The following GUCY1A2 variants were observed in gnomAD, a reference collection of about 807,000 sequenced individuals.
GUCY1A2 encodes the protein guanylate cyclase 1 soluble subunit alpha 2, also known as guanylate cyclase soluble subunit alpha-2.
In GUCY1A2, 27 loss-of-function variants were observed where a neutral mutation model predicts 63.5. The ratio of observed to expected loss-of-function variants is 0.43; its 90% CI spans 0.31 to 0.59. GUCY1A2 has a LOEUF of 0.59. GUCY1A2 is among the 20% of genes least tolerant of loss of function. GUCY1A2 has a pLI of 0.11. For missense variants in GUCY1A2, 768 were observed against 913.3 expected, an observed-to-expected ratio of 0.84 and a Z score of 2.05; for synonymous variants, 364 against 343.5, an observed-to-expected ratio of 1.06 and a Z score of -0.66.
chr11:106,678,399 TTTTAA>T lies in GUCY1A2; in HGVS notation c.*9145_*9149del, dbSNP rs1023523144. On this transcript the variant is annotated 3_prime_UTR_variant, in exon 8 of 8. Transcript: ENST00000526355. The stretch of plus-strand genomic sequence containing the variant: ...CATATTTTGCTTCATTTTATGGAAG[TTTTAA>T]TTTAAAAGGCCAAAAAAGGAGACAG... 2 of 211,102 alleles carry T rather than the reference TTTTAA, an allele frequency of 9.5e-6. No homozygotes were observed. The highest frequency in any genetic ancestry group is 4.5e-5 in the African/African-American group (2 of 44,098). The allele number at this position is 211,102 out of a possible 1,614,324, so 13.1% of individuals were successfully genotyped here.
Position 106,699,829 on chromosome 11 carries a change from T to C in GUCY1A2, c.1991+8683A>G, listed in dbSNP as rs1862786730. 1.3e-5 allele frequency among the ~76,000 whole-genome samples: 2 copies of C among 152,118 alleles called. 1 individual carries two copies. Among genetic ancestry groups the C allele is most frequent in the South Asian group, 4.1e-4 (2 of 4,820 alleles). ...CGGAGTCTCGGTCTGTCGCCCAGGC[T>C]GGAGTGCAGTGGCGCCATCTCGGCT... is the stretch of plus-strand genomic sequence containing the variant. On this transcript the variant is annotated intron_variant, in intron 7 of 7. Transcript: ENST00000526355.
At chr11:106,890,330 G>T (rs1859956672) in intron 4 of GUCY1A2, among the ~76,000 whole-genome samples, 1 of 152,030 alleles carries the variant, frequency 6.6e-6, no homozygotes, top group African/African-American at 2.4e-5. Flanking sequence ...CCTTTCTTAT[G>T]CTTCACAATC....
At chr11:106,854,941 T>C (rs1379351285) in intron 4 of GUCY1A2, among the ~76,000 whole-genome samples, 1 of 152,110 alleles carries the variant, frequency 6.6e-6, no homozygotes, top group Non-Finnish European at 1.5e-5. Context: ...TAGGCCAGAA[T>C]CCTGGGGACC....
intron 6 of GUCY1A2, among the ~76,000 whole-genome samples, chr11:106,718,119 A>C (rs1863248888): frequency 6.6e-6 from 1 of 152,194 alleles, no homozygotes; most frequent in Non-Finnish European, 1.5e-5. Flanking sequence ...GACAAACAGC[A>C]CTTTGGGCAA....
intron 6 of GUCY1A2, among the ~76,000 whole-genome samples, chr11:106,765,375 G>C (rs1316187836): frequency 6.6e-6 from 1 of 152,088 alleles, no homozygotes; most frequent in African/African-American, 2.4e-5. Flanking sequence ...AGTATTGAGA[G>C]AAAACTGAGT....
rs1277229663 is a variant in GUCY1A2, at chr11:107,017,905, C to A, written c.151G>T (p.Ala51Ser). 26 of 1,256,914 alleles carry A rather than the reference C, an allele frequency of 2.1e-5. No individual in the cohort carries two copies. Among genetic ancestry groups the A allele is most frequent in the East Asian group, 3.2e-5 (1 of 30,852 alleles). 77.9% of individuals were successfully genotyped at this position (1,256,914 alleles called of 1,614,324 possible). Residue 51 changes from alanine (A) to serine (S), a missense_variant, in exon 1 of 8, where the codon GCC (alanine) becomes TCC (serine). By Grantham distance (99) the Ala-to-Ser change is moderately conservative. Transcript: ENST00000526355. Reference protein sequence around the residue: ...SPPGPLEPSPAAAAAAAAPAP... With the variant: ...SPPGPLEPSPSAAAAAAAPAP... ...GGGGCGGCGGCAGCGGCAGCTGCGGCCGGGCTGGGCTCCAGCGGCCCGGGC... is the reference window on the plus strand; with the variant it reads ...GGGGCGGCGGCAGCGGCAGCTGCGGACGGGCTGGGCTCCAGCGGCCCGGGC...
chr11:106,685,747 G>C lies in GUCY1A2; in HGVS notation c.*1802C>G. The C allele has an allele frequency of 4.4e-6, 1 of 227,120 alleles. No individual in the cohort carries two copies. 14.1% of individuals were successfully genotyped at this position (227,120 alleles called of 1,614,324 possible). ...CAGAAACACAGGCCCACAGAAGAGG[G>C]GGTCAGGCAAAGGTTTAGAGCTCAA... On this transcript the variant is annotated 3_prime_UTR_variant, in exon 8 of 8. Transcript: ENST00000526355.
chr11:106,829,558 G>T (rs1384384137), intron 4 of GUCY1A2, among the ~76,000 whole-genome samples: 1 of 152,098 alleles, frequency 6.6e-6, no homozygotes, highest in Non-Finnish European at 1.5e-5. Flanking sequence ...ATGTCAACTT[G>T]ATTAGATTGA....
intron 4 of GUCY1A2, among the ~76,000 whole-genome samples, chr11:106,847,586 AT>A (rs1255006277): frequency 1.3e-5 from 2 of 151,548 alleles, no homozygotes. Flanking sequence ...GCTGAGCCCC[AT>A]TAGTGGAAGC....
intron 4 of GUCY1A2, among the ~76,000 whole-genome samples, chr11:106,869,898 C>A (rs932084481): frequency 6.6e-6 from 1 of 152,192 alleles, no homozygotes; most frequent in South Asian, 2.1e-4. Context: ...AAATGTGGTA[C>A]ATATACACCA....
chr11:106,872,219 A>G (rs1184483482), intron 4 of GUCY1A2, among the ~76,000 whole-genome samples: 1 of 152,224 alleles, frequency 6.6e-6, no homozygotes, highest in African/African-American at 2.4e-5. Context: ...CGATTACAGG[A>G]TTGGGCAGAA....
At chr11:106,958,719 A>G (rs1861022207) in intron 3 of GUCY1A2, among the ~76,000 whole-genome samples, 1 of 152,170 alleles carries the variant, frequency 6.6e-6, no homozygotes, top group Non-Finnish European at 1.5e-5. Flanking sequence ...GAGAAATAGG[A>G]AGTCTATTTC....
At chr11:106,843,489 T>C (rs1424655424) in intron 4 of GUCY1A2, among the ~76,000 whole-genome samples, 4 of 151,884 alleles carry the variant, frequency 2.6e-5, no homozygotes, top group African/African-American at 4.8e-5. Context: ...GTATTAGATA[T>C]ATTAGGGTGT....
chr11:106,711,486 A>G (rs1023693931), intron 6 of GUCY1A2, among the ~76,000 whole-genome samples: 4 of 152,198 alleles, frequency 2.6e-5, no homozygotes, highest in Non-Finnish European at 4.4e-5. Flanking sequence ...TAGATGGGTC[A>G]TCCAGATTGC....
chr11:106,723,947 A>G (rs10789538), intron 6 of GUCY1A2, among the ~76,000 whole-genome samples: 68,064 of 152,152 alleles, frequency 0.45, 15,694 homozygotes, highest in Middle Eastern at 0.55. Context: ...TCACCTCGTA[A>G]AGGGAGTTTC....
At chr11:106,719,931 C>T (rs1447029618) in intron 6 of GUCY1A2, among the ~76,000 whole-genome samples, 5 of 152,184 alleles carry the variant, frequency 3.3e-5, no homozygotes, top group East Asian at 1.9e-4. Flanking sequence ...AAATCATTTT[C>T]GCCAGCATTC....
intron 4 of GUCY1A2, among the ~76,000 whole-genome samples, chr11:106,838,928 C>T (rs375685834): frequency 8.6e-5 from 13 of 151,832 alleles, no homozygotes; most frequent in African/African-American, 3.1e-4. Context: ...CTGTAGGTTG[C>T]CTGTTCACTC....
intron 6 of GUCY1A2, among the ~76,000 whole-genome samples, chr11:106,750,618 A>G (rs1863866027): frequency 1.3e-5 from 2 of 152,046 alleles, no homozygotes; most frequent in African/African-American, 2.4e-5. Context: ...ACTACTATAA[A>G]TGAAATGAAT....
intron 4 of GUCY1A2, among the ~76,000 whole-genome samples, chr11:106,918,741 G>C (rs1860401283): frequency 8.0e-6 from 1 of 125,150 alleles, no homozygotes; most frequent in African/African-American, 2.6e-5. Flanking sequence ...CTCATGACAA[G>C]TAAAAAAGGT....
Sources: gnomAD v4.1 joint callset for allele counts (sites outside exome capture counted in the v4.1 genomes callset) on GRCh38, gnomAD v4.1.1 for gene constraint, MANE v1.5 for transcripts, NCBI Gene and HGNC (gene_info 2026-07-23, HGNC 2026-07-21) for gene names.